Variants in PDE1A observed in about 807,000 individuals in gnomAD.
PDE1A encodes the protein phosphodiesterase 1A.
PDE1A carries 35 observed loss-of-function variants against 61.7 expected under a neutral mutation model. That is an observed-to-expected ratio of 0.57 (90% CI 0.43 to 0.75). The LOEUF (loss-of-function observed/expected upper bound fraction) is 0.75, where lower values mean the gene tolerates loss of function less well. Among genes scored for constraint, PDE1A ranks in the 30% least tolerant of loss-of-function variants. PDE1A has a pLI of 0.00. For synonymous variants in PDE1A, 232 were observed against 213.2 expected (o/e 1.09, Z -0.77); for missense variants, 597 against 630.6 (o/e 0.95, Z 0.57).
At chr2:182,549,231 C>T in the PDE1A span, among the ~76,000 whole-genome samples, 1 of 151,848 alleles carries the variant, frequency 6.6e-6, no homozygotes, top group Non-Finnish European at 1.5e-5. Context: ...CAAGCACAAT[C>T]GATTTCTATT....
In PDE1A at chr2:182,437,944, G is replaced by A. The variant is rs918628254; in HGVS notation, c.101+84332C>T. On this transcript the variant is annotated intron_variant, in intron 2 of 14. Coordinates refer to the PDE1A transcript ENST00000410103. Reference sequence around the variant, plus strand: ...TGTTCTGCAAATACAGAACATTGCTGCTGTTTTGAATGTACACATTGTTTC... The same window carrying A: ...TGTTCTGCAAATACAGAACATTGCTACTGTTTTGAATGTACACATTGTTTC... 3.3e-5 allele frequency among the ~76,000 whole-genome samples: 5 copies of A among 151,802 alleles called. No homozygotes were observed. In the South Asian group the frequency reaches 6.2e-4, roughly 19 times the overall value.
chr2:182,645,555 A>G, the PDE1A span, among the ~76,000 whole-genome samples: 3 of 152,196 alleles, frequency 2.0e-5, no homozygotes, highest in Admixed American at 6.5e-5. Context: ...CTATTGTACT[A>G]TTTGGAATGT....
the PDE1A span, among the ~76,000 whole-genome samples, chr2:182,594,564 A>G: frequency 6.6e-6 from 1 of 152,250 alleles, no homozygotes; most frequent in Non-Finnish European, 1.5e-5. Context: ...TCTAGTTTCA[A>G]CATGACATAA....
upstream of PDE1A, among the ~76,000 whole-genome samples, chr2:182,428,425 G>A (rs377292217): frequency 6.6e-6 from 1 of 151,996 alleles, no homozygotes; most frequent in Admixed American, 6.6e-5. Context: ...AAATAAGGAA[G>A]CTATAAATAA....
intron 13 of PDE1A, among the ~76,000 whole-genome samples, chr2:182,147,947 T>A (rs745461558): frequency 3.3e-5 from 5 of 152,212 alleles, no homozygotes; most frequent in Admixed American, 6.5e-5. Flanking sequence ...TATTGTAGCA[T>A]TGTATCAATT....
intron 2 of PDE1A, among the ~76,000 whole-genome samples, chr2:182,432,144 C>A (rs971407142): frequency 1.3e-5 from 2 of 152,108 alleles, no homozygotes; most frequent in African/African-American, 4.8e-5. Context: ...AGTTTCCTCA[C>A]TAATCAAACT....
chr2:182,150,123 AATAG>A (rs1278417944), intron 13 of PDE1A, among the ~76,000 whole-genome samples: 8 of 152,296 alleles, frequency 5.3e-5, no homozygotes, highest in South Asian at 2.1e-4. Context: ...GTATATAATA[AATAG>A]ATATATAGTT....
rs147808069 is a variant in PDE1A, at chr2:182,464,105, C to T, written c.101+58171G>A. 2.1e-4 allele frequency among the ~76,000 whole-genome samples: 32 copies of T among 152,216 alleles called. 1 individual carries two copies. The highest frequency in any genetic ancestry group is 5.2e-4 in the Admixed American group (8 of 15,280). ...CCCATCCTGACCTGGTCACCTATACCAAGCCATGCCAAGAATCTAGAACTC... is the reference window on the plus strand; with the variant it reads ...CCCATCCTGACCTGGTCACCTATACTAAGCCATGCCAAGAATCTAGAACTC... On this transcript the variant is annotated intron_variant, in intron 2 of 14. Transcript: ENST00000410103.
At chr2:182,571,737 G>A in the PDE1A span, among the ~76,000 whole-genome samples, 1 of 151,946 alleles carries the variant, frequency 6.6e-6, no homozygotes, top group African/African-American at 2.4e-5. Flanking sequence ...TCTGATTTCC[G>A]AGAGTAGCAA....
the PDE1A span, among the ~76,000 whole-genome samples, chr2:182,666,715 C>T: frequency 6.6e-6 from 1 of 152,140 alleles, no homozygotes; most frequent in Non-Finnish European, 1.5e-5. Flanking sequence ...TATTGCAACT[C>T]TACATTCAGG....
intron 2 of PDE1A, among the ~76,000 whole-genome samples, chr2:182,478,487 A>G (rs1687511156): frequency 6.6e-6 from 1 of 151,886 alleles, no homozygotes; most frequent in African/African-American, 2.4e-5. Context: ...AGAATGGGGA[A>G]ACTACATATG....
chr2:182,579,713 C>T, the PDE1A span, among the ~76,000 whole-genome samples: 1 of 151,662 alleles, frequency 6.6e-6, no homozygotes, highest in Non-Finnish European at 1.5e-5. Flanking sequence ...GAAGCAAGTA[C>T]ATGGTATGCC....
chr2:182,311,123 T>G (rs1440514030), intron 1 of PDE1A, among the ~76,000 whole-genome samples: 1 of 152,174 alleles, frequency 6.6e-6, no homozygotes, highest in African/African-American at 2.4e-5. Flanking sequence ...ATAACATTCC[T>G]CTGTTAAGCC....
At chr2:182,435,193 T>C (rs1375421071) in intron 2 of PDE1A, among the ~76,000 whole-genome samples, 2 of 152,094 alleles carry the variant, frequency 1.3e-5, no homozygotes, top group African/African-American at 4.8e-5. Context: ...CAGATTCTCA[T>C]AGCCAAACAT....
chr2:182,578,368 C>G, the PDE1A span, among the ~76,000 whole-genome samples: 1 of 151,706 alleles, frequency 6.6e-6, no homozygotes, highest in Admixed American at 6.6e-5. Context: ...AATTTTATTC[C>G]AAACATAGGA....
chr2:182,427,979 T>C (rs1703719332), upstream of PDE1A, among the ~76,000 whole-genome samples: 1 of 152,186 alleles, frequency 6.6e-6, no homozygotes, highest in Non-Finnish European at 1.5e-5. Context: ...GAGGATACTA[T>C]CTGTAGTTAT....
rs773338818 is a variant in PDE1A at position 182,186,077 on chromosome 2, G to A, written c.1331C>T (p.Ser444Leu). The A allele has an allele frequency of 1.3e-5, 21 of 1,612,984 alleles. No homozygotes were observed. In the Admixed American group the frequency reaches 2.2e-4, roughly 17 times the overall value. Residue 444 changes from serine to leucine, a missense_variant and splice_region_variant, in exon 13 of 14, where the codon TCA becomes TTA. Coordinates refer to ENST00000351439, the Ensembl canonical transcript of PDE1A. The stretch of plus-strand genomic sequence containing the variant: ...AATGTGTAACCCCACAATGGTGGTT[G>A]AGCTAACAGTAACAACCAAAGAAAC...
At chr2:182,459,009 T>C (rs6705950) in intron 2 of PDE1A, among the ~76,000 whole-genome samples, 4,338 of 152,164 alleles carry the variant, frequency 0.029, 201 homozygotes, top group African/African-American at 0.1. Context: ...GTAAAAGCAC[T>C]TCACATTAAC....
At chr2:182,593,698 GTCT>G in the PDE1A span, among the ~76,000 whole-genome samples, 1 of 152,150 alleles carries the variant, frequency 6.6e-6, no homozygotes, top group Non-Finnish European at 1.5e-5. Flanking sequence ...ATGAAATAAA[GTCT>G]TCTGTTTACC....
Sources: allele counts gnomAD v4.1 joint callset (sites outside exome capture counted in the v4.1 genomes callset), GRCh38; gene constraint gnomAD v4.1.1; transcripts MANE v1.5; gene names NCBI Gene and HGNC (gene_info 2026-07-23, HGNC 2026-07-21).